SMG1: variants seen among roughly 807,000 people sequenced by gnomAD.
SMG1 encodes serine/threonine-protein kinase SMG1.
In SMG1, 22 loss-of-function variants were observed where a neutral mutation model predicts 419.9. That is an observed-to-expected ratio of 0.05 (90% CI 0.04 to 0.07). The LOEUF (loss-of-function observed/expected upper bound fraction) is 0.07, where lower values mean the gene tolerates loss of function less well. SMG1 is among the 10% of genes least tolerant of loss of function. The pLI, the probability that SMG1 is intolerant of heterozygous loss-of-function variation, is 1.00. For synonymous variants in SMG1, 1,538 were observed against 1,553.5 expected (o/e 0.99, Z 0.23); for missense variants, 3,185 against 4,342.0 (o/e 0.73, Z 7.49).
intron 19 of SMG1, 100 bp downstream of exon 19, chr16:18,869,754 C>G (rs1199128070): frequency 1.0e-6 from 1 of 954,546 alleles, no homozygotes; most frequent in Non-Finnish European, 1.6e-6. Flanking sequence ...ACTTGATACT[C>G]TGCCACCCCC....
intron 1 of SMG1, among the ~76,000 whole-genome samples, chr16:18,904,999 C>T (rs145782091): frequency 2.0e-5 from 3 of 152,000 alleles, no homozygotes; most frequent in Admixed American, 6.6e-5. Context: ...CGGTGGCTTA[C>T]GCCTGTAATC....
Position 18,852,419 on chromosome 16 carries a change from C to T in SMG1, c.4812G>A (p.Leu1604=), listed in dbSNP as rs1293798023. The T allele has an allele frequency of 4.4e-6, 7 of 1,605,760 alleles. No individual in the cohort carries two copies. Among genetic ancestry groups the T allele is most frequent in the Admixed American group, 1.7e-5 (1 of 58,604 alleles). ...GTGCCTGTACTGAAGACAGGTGATA[C>T]AACTGTCCCAAAATGAAGTCAGGTT... The part of the protein sequence containing the change: ...VGEPDFILGQ[L]YHLSSVQAPE... The change falls in exon 32 of 63, where the codon TTG becomes TTA. Residue 1604 remains leucine (L), a synonymous_variant. Coordinates refer to ENST00000446231, the MANE Select transcript of SMG1 (RefSeq NM_015092.5).
chr16:18,920,382 C>CAAA (rs67904345), intron 1 of SMG1, among the ~76,000 whole-genome samples: 24 of 100,798 alleles, frequency 2.4e-4, no homozygotes, highest in African/African-American at 8.7e-4. Context: ...AACTCCGTCT[C>CAAA]AAAAAAAAAA....
chr16:18,849,090 A>AC (rs1324458635), intron 36 of SMG1, 127 bp downstream of exon 36: 6 of 273,480 alleles, frequency 2.2e-5, no homozygotes, highest in Admixed American at 5.7e-5. Flanking sequence ...AAAAAAAAAA[A>AC]AAAAAAAAAA....
Position 18,864,988 on chromosome 16 carries a change from T to C in SMG1, c.3351-844A>G, listed in dbSNP as rs756812456. ...AGAACTAGTGGAAAATATTGATAAG[T>C]AGCTGATGTCAGTGTGTGGAAAGGC... is the stretch of plus-strand genomic sequence containing the variant. On this transcript the variant is annotated intron_variant, in intron 23 of 62. Transcript: ENST00000446231. Among the ~76,000 whole-genome samples the C allele has an allele frequency of 8.5e-5, 13 of 152,172 alleles. 1 individual carries two copies. Among genetic ancestry groups the C allele is most frequent in the Non-Finnish European group, 1.5e-4 (10 of 68,040 alleles).
intron 22 of SMG1, among the ~76,000 whole-genome samples, chr16:18,867,960 T>G (rs1331374864): frequency 6.6e-6 from 1 of 151,988 alleles, no homozygotes; most frequent in African/African-American, 2.4e-5. Flanking sequence ...CGCCCACCTC[T>G]GCCTCCCAAA....
At chr16:18,924,524 A>G (rs2038317669) in intron 1 of SMG1, among the ~76,000 whole-genome samples, 2 of 152,250 alleles carry the variant, frequency 1.3e-5, no homozygotes, top group African/African-American at 4.8e-5. Flanking sequence ...CAGAAAATCA[A>G]ATTTCACACA....
intron 1 of SMG1, among the ~76,000 whole-genome samples, chr16:18,898,340 A>C (rs953598440): frequency 1.3e-5 from 2 of 152,190 alleles, no homozygotes; most frequent in Non-Finnish European, 2.9e-5. Flanking sequence ...AGTATCTTCT[A>C]ATATTCAGAG....
Position 18,829,676 on chromosome 16 carries a change from A to C in SMG1, c.9213T>G (p.Ser3071=), listed in dbSNP as rs1309711177. Residue 3071 remains serine, a synonymous_variant, in exon 54 of 63, where the codon TCT becomes TCG. Transcript: ENST00000446231. ...TGGCCATTTGGTCTTCACTGAAACA[A>C]GAGTTTCTAAAAAGGGTTTTCACAT... ...IVNVKTLFRN[S]CFSEDQMAKP... is the part of the protein sequence containing the mutation. The C allele has an allele frequency of 6.2e-7, 1 of 1,614,020 alleles. No homozygotes were observed. The highest frequency in any genetic ancestry group is 2.2e-5 in the East Asian group (1 of 44,894).
chr16:18,812,651 C>CATATACAT (rs915873212), intron 60 of SMG1, among the ~76,000 whole-genome samples: 6 of 117,464 alleles, frequency 5.1e-5, no homozygotes, highest in Non-Finnish European at 7.6e-5. Flanking sequence ...CACATATACA[C>CATATACAT]ACACACACAC....
At chr16:18,850,558 C>A in intron 33 of SMG1, 91 bp from the exon 34 acceptor site, 1 of 585,618 alleles carries the variant, frequency 1.7e-6, no homozygotes. Flanking sequence ...AAATTCTTCT[C>A]ATATATAAAA....
At chr16:18,866,473 A>T (rs1483851849) in intron 23 of SMG1, 148 bp downstream of exon 23, 20 of 759,552 alleles carry the variant, frequency 2.6e-5, no homozygotes, top group African/African-American at 2.1e-4. Context: ...AACAAACTGA[A>T]GACGCCTCCT....
chr16:18,815,746 AAT>A, intron 58 of SMG1, 95 bp from the exon 59 acceptor site: 5 of 1,041,924 alleles, frequency 4.8e-6, no homozygotes, highest in Non-Finnish European at 7.0e-6. Context: ...AAATGTTTCA[AAT>A]ATGAGTGTGT....
At chr16:18,910,439 C>T (rs1176679737) in intron 1 of SMG1, among the ~76,000 whole-genome samples, 4 of 151,752 alleles carry the variant, frequency 2.6e-5, no homozygotes, top group African/African-American at 9.7e-5. Context: ...CCAGGTTGGT[C>T]AGGCTGCTCT....
Position 18,804,936 on chromosome 16 carries a change from C to T in SMG1, c.*4633G>A, listed in dbSNP as rs1294690240. On this transcript the variant is annotated 3_prime_UTR_variant, in exon 63 of 63. Coordinates refer to ENST00000446231, the MANE Select transcript of SMG1 (RefSeq NM_015092.5). ...TTTGCCATGTTAATGCAAATATGCA[C>T]AAAGTAGGCATGTATTTGTTTTCCA... 6.6e-6 allele frequency: 1 copy of T among 152,636 alleles called. No individual in the cohort carries two copies. The highest frequency in any genetic ancestry group is 1.5e-5 in the Non-Finnish European group (1 of 68,036). 9.5% of individuals were successfully genotyped at this position (152,636 alleles called of 1,614,324 possible).
At chr16:18,827,692 C>A (rs2032830460) in intron 55 of SMG1, among the ~76,000 whole-genome samples, 2 of 139,966 alleles carry the variant, frequency 1.4e-5, no homozygotes, top group Admixed American at 7.2e-5. Context: ...ATAAATATAT[C>A]TAAATATATA....
At chr16:18,849,536 C>A (rs1239966873) in intron 35 of SMG1, among the ~76,000 whole-genome samples, 158 bp from the exon 36 acceptor site, 1 of 152,274 alleles carries the variant, frequency 6.6e-6, no homozygotes, top group East Asian at 1.9e-4. Flanking sequence ...GAACCATACA[C>A]AATAGTTCTT....
At chr16:18,837,806 G>A (rs1003918505) in intron 45 of SMG1, among the ~76,000 whole-genome samples, 5 of 152,134 alleles carry the variant, frequency 3.3e-5, no homozygotes, top group African/African-American at 9.7e-5. Context: ...CCACCTCTTA[G>A]GAGTGTGGAA....
intron 1 of SMG1, among the ~76,000 whole-genome samples, chr16:18,919,673 C>T (rs760857533): frequency 0.088 from 10,836 of 122,654 alleles, 530 homozygotes; most frequent in African/African-American, 0.14. Context: ...CACACACACA[C>T]ACACACACAC....
Sources: allele counts gnomAD v4.1 joint callset (sites outside exome capture counted in the v4.1 genomes callset), GRCh38; gene constraint gnomAD v4.1.1; transcripts MANE v1.5; gene names NCBI Gene and HGNC (gene_info 2026-07-23, HGNC 2026-07-21).